The following KIAA1217 variants were observed in gnomAD, a reference collection of about 807,000 sequenced individuals.
KIAA1217 encodes sickle tail protein homolog.
In KIAA1217, 88 loss-of-function variants were observed where a neutral mutation model predicts 163.9. That is an observed-to-expected ratio of 0.54 (90% CI 0.45 to 0.64). The LOEUF (loss-of-function observed/expected upper bound fraction) is 0.64. KIAA1217 is among the 30% of genes least tolerant of loss of function. The probability of loss-of-function intolerance (pLI) is 0.00; values close to 1 mark genes in which losing one functional copy is unlikely to be tolerated. For synonymous variants in KIAA1217, 903 were observed against 923.1 expected (o/e 0.98, Z 0.39); for missense variants, 2,372 against 2,475.0 (o/e 0.96, Z 0.88).
chr10:23,879,649 A>G (rs1589002991), intron 1 of KIAA1217, among the ~76,000 whole-genome samples: 1 of 152,082 alleles, frequency 6.6e-6, no homozygotes, highest in East Asian at 1.9e-4. Flanking sequence ...GAAAAGACAG[A>G]TTGGAACCAG....
chr10:23,813,773 A>G (rs1056895710), intron 1 of KIAA1217, among the ~76,000 whole-genome samples: 1 of 152,212 alleles, frequency 6.6e-6, no homozygotes, highest in Non-Finnish European at 1.5e-5. Flanking sequence ...GTCCAAGACC[A>G]TAAACATCTT....
intron 2 of KIAA1217, among the ~76,000 whole-genome samples, chr10:24,100,441 C>A (rs2062367571): frequency 6.6e-6 from 1 of 152,164 alleles, no homozygotes; most frequent in Non-Finnish European, 1.5e-5. Context: ...AAAATTATCA[C>A]AAAAGAGTAA....
Position 24,520,142 on chromosome 10 carries a change from G to A in KIAA1217, c.2197G>A (p.Glu733Lys). 6.2e-7 allele frequency: 1 copy of A among 1,614,018 alleles called. No individual in the cohort carries two copies. Among genetic ancestry groups the A allele is most frequent in the Non-Finnish European group, 8.5e-7 (1 of 1,179,952 alleles). Residue 733 changes from glutamate to lysine, a missense_variant, in exon 11 of 21, where the codon GAA becomes AAA. Physicochemically the swap from Glu to Lys is moderately conservative, Grantham distance 56 (BLOSUM62 1). Transcript: ENST00000376454. The stretch of plus-strand genomic sequence containing the variant: ...CCGCAGCGAGTTGGAAGACTTTGTT[G>A]AAGACTTGAAGAAGGACTCCACGGC... Reference protein sequence around the residue: ...KKLCELEDFVEDLKKDSTAAS... With the variant: ...KKLCELEDFVKDLKKDSTAAS...
At chr10:23,792,476 T>C (rs1407506428) in intron 1 of KIAA1217, among the ~76,000 whole-genome samples, 2 of 151,768 alleles carry the variant, frequency 1.3e-5, no homozygotes, top group Non-Finnish European at 1.5e-5. Context: ...TTACTCTTTT[T>C]ATTTTTATTT....
intron 2 of KIAA1217, among the ~76,000 whole-genome samples, chr10:24,198,337 G>A (rs868818740): frequency 1.8e-4 from 28 of 152,184 alleles, no homozygotes; most frequent in African/African-American, 6.8e-4. Context: ...GGGTGGGCGT[G>A]GTGGCTCATG....
intron 1 of KIAA1217, among the ~76,000 whole-genome samples, chr10:23,727,761 A>G (rs752859933): frequency 6.6e-5 from 10 of 152,050 alleles, no homozygotes; most frequent in Non-Finnish European, 1.5e-4. Flanking sequence ...CCTATCATCT[A>G]CATTAGGTAT....
intron 16 of KIAA1217, among the ~76,000 whole-genome samples, chr10:24,536,351 G>T (rs142682321): frequency 6.0e-4 from 92 of 152,184 alleles, no homozygotes; most frequent in Admixed American, 4.7e-3. Context: ...GGTTTAAAAC[G>T]TCTTGTGAGC....
In KIAA1217 at chr10:24,533,061, C is replaced by T. The variant is rs757734861; in HGVS notation, c.3247-9C>T. ...TTAAACCACTATCTGTTGTTTCAATCTCCCACAGGCAAGCAGTGAAGATGC... is the reference window on the plus strand; with the variant it reads ...TTAAACCACTATCTGTTGTTTCAATTTCCCACAGGCAAGCAGTGAAGATGC... On this transcript the variant is annotated splice_polypyrimidine_tract_variant and intron_variant, in intron 15 of 20. Transcript: ENST00000376454. The T allele has an allele frequency of 6.2e-7, 1 of 1,600,184 alleles. No homozygotes were observed. The highest frequency in any genetic ancestry group is 8.5e-7 in the Non-Finnish European group (1 of 1,171,784).
chr10:24,060,313 G>T (rs904318606), intron 2 of KIAA1217, among the ~76,000 whole-genome samples: 7 of 151,892 alleles, frequency 4.6e-5, no homozygotes, highest in African/African-American at 1.7e-4. Flanking sequence ...TAGTTTTGGT[G>T]TATTGTATTT....
chr10:24,480,468 A>G (rs989991686), intron 6 of KIAA1217, among the ~76,000 whole-genome samples: 4 of 152,192 alleles, frequency 2.6e-5, no homozygotes, highest in African/African-American at 7.2e-5. Flanking sequence ...CCTGGGTTCA[A>G]ATCCCAGTTC....
rs546845445 is a variant in KIAA1217 at position 23,929,635 on chromosome 10, A to G, written c.-320-77590A>G. Among the ~76,000 whole-genome samples, 3 of 152,276 alleles carry G rather than the reference A, an allele frequency of 2.0e-5. No individual in the cohort carries two copies. The East Asian group carries it at 5.8e-4, about 29-fold the overall frequency. On this transcript the variant is annotated intron_variant, in intron 1 of 18. Coordinates refer to the KIAA1217 transcript ENST00000376462. ...AGCTGCGTCCATGTTGCTGCAAAGG[A>G]CGTGATTTCATTCTTTTTTTTGTGG...
intron 3 of KIAA1217, among the ~76,000 whole-genome samples, chr10:24,410,877 C>CA (rs917544179): frequency 3.9e-5 from 6 of 152,160 alleles, no homozygotes; most frequent in African/African-American, 4.8e-5. Flanking sequence ...TTTTTCCCCC[C>CA]AAAGTACCTA....
chr10:24,176,635 C>T (rs1446644410), intron 2 of KIAA1217, among the ~76,000 whole-genome samples: 2 of 152,254 alleles, frequency 1.3e-5, no homozygotes, highest in Non-Finnish European at 2.9e-5. Flanking sequence ...CTCCAAGTCC[C>T]CACCTGACTC....
intron 10 of KIAA1217, among the ~76,000 whole-genome samples, chr10:24,517,473 C>T (rs937045583): frequency 1.4e-4 from 21 of 152,114 alleles, no homozygotes; most frequent in African/African-American, 3.1e-4. Context: ...ATCTATTATG[C>T]GTCGATTTTT....
intron 1 of KIAA1217, among the ~76,000 whole-genome samples, chr10:23,807,867 T>C (rs994092244): frequency 3.3e-5 from 5 of 152,130 alleles, no homozygotes; most frequent in Non-Finnish European, 5.9e-5. Flanking sequence ...CTGCTGGCAA[T>C]TGGAGTTTTA....
At chr10:24,506,567 G>C (rs918164649) in intron 9 of KIAA1217, among the ~76,000 whole-genome samples, 4 of 152,158 alleles carry the variant, frequency 2.6e-5, no homozygotes, top group African/African-American at 9.7e-5. Context: ...CTAGCTATGA[G>C]GAATAACTGC....
At chr10:23,924,533 C>T (rs976106194) in intron 1 of KIAA1217, among the ~76,000 whole-genome samples, 1 of 152,044 alleles carries the variant, frequency 6.6e-6, no homozygotes, top group African/African-American at 2.4e-5. Context: ...GAAGTAGTGA[C>T]CTTAAGGTCA....
intron 1 of KIAA1217, among the ~76,000 whole-genome samples, chr10:23,731,729 T>A (rs953080001): frequency 7.2e-6 from 1 of 139,120 alleles, no homozygotes; most frequent in Non-Finnish European, 1.5e-5. Context: ...TAAGGTTAGC[T>A]GTAGGGGATT....
At chr10:23,763,892 A>G (rs774083267) in intron 1 of KIAA1217, among the ~76,000 whole-genome samples, 1 of 152,196 alleles carries the variant, frequency 6.6e-6, no homozygotes, top group Non-Finnish European at 1.5e-5. Context: ...AGTTTAAAAA[A>G]TGTAGTTGGG....
Sources: gnomAD v4.1 joint callset for allele counts (sites outside exome capture counted in the v4.1 genomes callset) on GRCh38, gnomAD v4.1.1 for gene constraint, MANE v1.5 for transcripts, NCBI Gene and HGNC (gene_info 2026-07-23, HGNC 2026-07-21) for gene names.